The following SHOC2 variants were observed in gnomAD, a reference collection of about 807,000 sequenced individuals.
SHOC2 encodes leucine-rich repeat protein SHOC-2.
Under a neutral mutation model 50.2 loss-of-function variants are expected in SHOC2, and 4 were observed. The observed-to-expected ratio is 0.08, with a 90% CI of 0.04 to 0.18. SHOC2 has a LOEUF of 0.18. Ranked by LOEUF, SHOC2 falls within the 10% of genes least tolerant of loss-of-function variation. SHOC2 has a pLI of 1.00. For missense variants in SHOC2, 388 were observed against 669.6 expected, an observed-to-expected ratio of 0.58 and a Z score of 4.64; for synonymous variants, 218 against 244.5, an observed-to-expected ratio of 0.89 and a Z score of 1.01.
chr10:110,999,161 TA>T (rs1204445948), intron 3 of SHOC2, among the ~76,000 whole-genome samples: 2 of 152,168 alleles, frequency 1.3e-5, no homozygotes, highest in African/African-American at 4.8e-5. Context: ...CTGTTTAATT[TA>T]AAAGTAAAGG....
chr10:110,961,466 G>A (rs1296455744), intron 1 of SHOC2, among the ~76,000 whole-genome samples: 1 of 152,104 alleles, frequency 6.6e-6, no homozygotes, highest in Admixed American at 6.5e-5. Context: ...TATTTTTACT[G>A]GATGTGAAAA....
At chr10:110,961,920 G>T (rs887451303) in intron 1 of SHOC2, among the ~76,000 whole-genome samples, 2 of 151,878 alleles carry the variant, frequency 1.3e-5, no homozygotes, top group African/African-American at 4.8e-5. Context: ...GTCATATCAT[G>T]TGTTTCCCGA....
At chr10:110,986,926 G>A (rs1848089515) in intron 3 of SHOC2, among the ~76,000 whole-genome samples, 1 of 152,202 alleles carries the variant, frequency 6.6e-6, no homozygotes, top group Non-Finnish European at 1.5e-5. Flanking sequence ...CTTGAGATGT[G>A]TGTGGTCCCC....
chr10:110,937,567 G>A (rs572475238), intron 1 of SHOC2, among the ~76,000 whole-genome samples: 2 of 152,200 alleles, frequency 1.3e-5, no homozygotes, highest in South Asian at 2.1e-4. Flanking sequence ...TCTCCTAGTT[G>A]TTTTCAGATA....
intron 2 of SHOC2, among the ~76,000 whole-genome samples, chr10:110,983,702 C>T (rs1412259987): frequency 6.6e-6 from 1 of 152,130 alleles, no homozygotes; most frequent in Non-Finnish European, 1.5e-5. Flanking sequence ...CACCTACTAA[C>T]CACGGTTCTG....
intron 2 of SHOC2, among the ~76,000 whole-genome samples, chr10:110,978,980 T>C (rs973767715): frequency 3.9e-5 from 6 of 152,256 alleles, no homozygotes; most frequent in Non-Finnish European, 8.8e-5. Flanking sequence ...AACAAATTAC[T>C]CTAAAAGATA....
chr10:111,009,801 A>G lies in SHOC2; in HGVS notation c.1511A>G (p.Asn504Ser). 1 of 1,609,374 alleles carries G rather than the reference A, an allele frequency of 6.2e-7. No homozygotes were observed. Among genetic ancestry groups the G allele is most frequent in the Non-Finnish European group, 8.5e-7 (1 of 1,175,786 alleles). ...TNLTHLGLGE[N>S]LLTHLPEEIG... ...CTCACACATCTGGGCCTTGGAGAGA[A>G]CCTACTTACTCACCTTCCTGAAGAA... The change falls in exon 8 of 9, where the codon AAC (asparagine) becomes AGC (serine). Residue 504 changes from asparagine to serine, a missense_variant. This residue lies in a region of SHOC2 where 130 missense variants were observed against 208.6 expected (regional missense o/e 0.62). Coordinates refer to ENST00000369452, the MANE Select transcript of SHOC2 (RefSeq NM_007373.4).
Position 110,964,849 on chromosome 10 carries a change from C to G in SHOC2, c.491C>G (p.Ser164Cys). ...AATTCACTTACCAGTTTGCCTGACT[C>G]TCTTGATAACTTGAAGAAGCTGCGG... ...SENSLTSLPD[S>C]LDNLKKLRML... The change falls in exon 2 of 9, where the codon TCT (serine) becomes TGT (cysteine). Residue 164 changes from serine (S) to cysteine (C), a missense_variant. Around this residue, in one of 5 missense-constraint regions of SHOC2, gnomAD observed 88 missense variants for 147.2 expected, o/e 0.60. Transcript: ENST00000369452. The surrounding 1 kb of genome is among the most constrained non-coding windows in gnomAD (Gnocchi z 4.9). The G allele has an allele frequency of 6.2e-7, 1 of 1,614,048 alleles. No individual in the cohort carries two copies. Among genetic ancestry groups the G allele is most frequent in the East Asian group, 2.2e-5 (1 of 44,882 alleles).
chr10:110,956,880 C>T (rs1249798419), intron 1 of SHOC2, among the ~76,000 whole-genome samples: 1 of 151,560 alleles, frequency 6.6e-6, no homozygotes, highest in Non-Finnish European at 1.5e-5. Flanking sequence ...TGAAATATCT[C>T]GTAAGTAGCT....
At position 111,011,914 on chromosome 10, in the gene SHOC2, G is replaced by A. The variant is rs1848573462; in HGVS notation, c.*96G>A. 1.0e-6 allele frequency: 1 copy of A among 993,700 alleles called. No homozygotes were observed. The highest frequency in any genetic ancestry group is 1.6e-6 in the Non-Finnish European group (1 of 641,920). 61.6% of individuals were successfully genotyped at this position (993,700 alleles called of 1,614,324 possible). A position where few individuals can be genotyped will look rare whatever the true frequency, so the allele number is the denominator to read the frequency against. On this transcript the variant is annotated 3_prime_UTR_variant, in exon 9 of 9. Coordinates refer to ENST00000369452, the MANE Select transcript of SHOC2 (RefSeq NM_007373.4). Reference sequence around the variant, plus strand: ...CTATTTATGTAGATATTGGTATATGGCAGATTTATAAAAATTGCATTATGT... The same window carrying A: ...CTATTTATGTAGATATTGGTATATGACAGATTTATAAAAATTGCATTATGT...
At chr10:110,943,617 CTG>C (rs1035713927) in intron 1 of SHOC2, among the ~76,000 whole-genome samples, 9 of 152,166 alleles carry the variant, frequency 5.9e-5, no homozygotes, top group Admixed American at 5.9e-4. Flanking sequence ...TTCTGTGAGC[CTG>C]TGTCTTCAAC....
intron 1 of SHOC2, among the ~76,000 whole-genome samples, chr10:110,949,514 A>G (rs549752850): frequency 2.0e-5 from 3 of 152,274 alleles, no homozygotes; most frequent in Admixed American, 6.5e-5. Context: ...ACCTTTAAAG[A>G]AGACATAGCA....
At chr10:110,979,638 T>C (rs1333469139) in intron 2 of SHOC2, among the ~76,000 whole-genome samples, 5 of 152,244 alleles carry the variant, frequency 3.3e-5, no homozygotes, top group Non-Finnish European at 5.9e-5. Context: ...GCTCAGTGTT[T>C]GCAGATGTTA....
rs775689426 is a variant in SHOC2, at chr10:111,009,698, T to C, written c.1423-15T>C. ...AATATATTTGTAACTCTCTTTTATT[T>C]TGTAAATCTTTTAGAAATTAGTCTT... On this transcript the variant is annotated splice_polypyrimidine_tract_variant and intron_variant, in intron 7 of 8. Transcript: ENST00000369452. 9 of 1,454,716 alleles carry C rather than the reference T, an allele frequency of 6.2e-6. No individual in the cohort carries two copies. In the African/African-American group the frequency reaches 1.1e-4, roughly 18 times the overall value. The allele number at this position is 1,454,716 out of a possible 1,614,324, so 90.1% of individuals were successfully genotyped here.
chr10:110,960,614 T>A (rs898813988), intron 1 of SHOC2, among the ~76,000 whole-genome samples: 1 of 152,194 alleles, frequency 6.6e-6, no homozygotes, highest in Non-Finnish European at 1.5e-5. Flanking sequence ...TTTTCATAAT[T>A]TGGAATATAG....
At chr10:111,000,668 T>C (rs1391123560) in intron 4 of SHOC2, 123 bp downstream of exon 4, 19 of 840,000 alleles carry the variant, frequency 2.3e-5, no homozygotes, top group Middle Eastern at 3.4e-4. Context: ...ATAATGAGTA[T>C]GCTGTGAATG....
intron 3 of SHOC2, among the ~76,000 whole-genome samples, chr10:110,994,301 C>A (rs1320620398): frequency 2.0e-5 from 3 of 152,148 alleles, no homozygotes; most frequent in Non-Finnish European, 4.4e-5. Context: ...AATGTTGATA[C>A]CATCCCTCCC....
chr10:110,936,857 A>G (rs1293109205), intron 1 of SHOC2: 1 of 1,355,394 alleles, frequency 7.4e-7, no homozygotes, highest in East Asian at 2.3e-5. Context: ...CAGACGCACA[A>G]CCTTGAGGGC....
intron 1 of SHOC2, among the ~76,000 whole-genome samples, chr10:110,961,628 C>T (rs1331133862): frequency 6.6e-6 from 1 of 152,138 alleles, no homozygotes; most frequent in Non-Finnish European, 1.5e-5. Context: ...TCATTAGGTA[C>T]AAGTGCTACA....
Sources: gnomAD v4.1 joint callset for allele counts (sites outside exome capture counted in the v4.1 genomes callset) on GRCh38, gnomAD v4.1.1 for gene constraint, gnomAD v4.1.1 regional missense constraint, Gnocchi (gnomAD v3.1) non-coding constraint, MANE v1.5 for transcripts, NCBI Gene and HGNC (gene_info 2026-07-23, HGNC 2026-07-21) for gene names.